LRP1B: variants seen among roughly 807,000 people sequenced by gnomAD.
LRP1B encodes the protein LDL receptor related protein 1B.
Under a neutral mutation model 556.6 loss-of-function variants are expected in LRP1B, and 217 were observed. That is an observed-to-expected ratio of 0.39 (90% CI 0.35 to 0.44). LRP1B has a LOEUF of 0.44. Ranked by LOEUF, LRP1B falls within the 20% of genes least tolerant of loss-of-function variation. LRP1B has a pLI of 1.00. For synonymous variants in LRP1B, 2,047 were observed against 1,865.8 expected (o/e 1.10, Z -2.50); for missense variants, 5,053 against 5,620.8 (o/e 0.90, Z 3.23).
intron 3 of LRP1B, among the ~76,000 whole-genome samples, chr2:141,307,124 G>T (rs868724025): frequency 9.9e-5 from 15 of 151,928 alleles, no homozygotes; most frequent in Non-Finnish European, 1.6e-4. Flanking sequence ...GGTCCATTTG[G>T]TCTAATGTGC....
intron 3 of LRP1B, among the ~76,000 whole-genome samples, chr2:141,395,064 C>T (rs1559047189): frequency 1.3e-5 from 2 of 152,052 alleles, no homozygotes; most frequent in South Asian, 4.1e-4. Context: ...TATAACAAAG[C>T]TGAAAATGTC....
chr2:140,669,342 G>T (rs1383065902), intron 41 of LRP1B, among the ~76,000 whole-genome samples: 1 of 151,984 alleles, frequency 6.6e-6, no homozygotes, highest in East Asian at 1.9e-4. Context: ...TCTTTATTGG[G>T]TCTACAGATC....
intron 3 of LRP1B, among the ~76,000 whole-genome samples, chr2:141,396,488 C>A (rs1192422944): frequency 1.3e-5 from 2 of 152,022 alleles, no homozygotes; most frequent in African/African-American, 4.8e-5. Flanking sequence ...CTTTTAGTGG[C>A]TATAGATAAA....
chr2:141,181,033 T>C (rs965604351), intron 7 of LRP1B, among the ~76,000 whole-genome samples: 1 of 151,978 alleles, frequency 6.6e-6, no homozygotes, highest in African/African-American at 2.4e-5. Context: ...AACTTCATGC[T>C]CATGTCTCTC....
intron 35 of LRP1B, among the ~76,000 whole-genome samples, chr2:140,758,210 A>G (rs1254612709): frequency 2.6e-5 from 4 of 152,114 alleles, no homozygotes; most frequent in Non-Finnish European, 5.9e-5. Flanking sequence ...TAATCCACAT[A>G]ATATAATGTA....
intron 3 of LRP1B, among the ~76,000 whole-genome samples, chr2:141,274,589 C>T (rs62172913): frequency 0.24 from 36,294 of 151,896 alleles, 5,103 homozygotes; most frequent in East Asian, 0.51. Context: ...GGATGCATGG[C>T]TATTTTTGGC....
At chr2:140,668,472 C>T (rs1391989654) in intron 41 of LRP1B, among the ~76,000 whole-genome samples, 1 of 151,148 alleles carries the variant, frequency 6.6e-6, no homozygotes, top group Non-Finnish European at 1.5e-5. Flanking sequence ...TTACTGTAGG[C>T]ATGTTTTTGT....
intron 3 of LRP1B, among the ~76,000 whole-genome samples, chr2:141,350,017 A>T (rs1223261540): frequency 3.3e-5 from 5 of 152,052 alleles, no homozygotes; most frequent in African/African-American, 1.2e-4. Context: ...ACCACATCTC[A>T]CATGGTGGCA....
chr2:140,635,621 A>C (rs923971424), intron 41 of LRP1B, among the ~76,000 whole-genome samples: 1 of 151,968 alleles, frequency 6.6e-6, no homozygotes, highest in Non-Finnish European at 1.5e-5. Flanking sequence ...GGAATGGTAC[A>C]TTGGTTCATC....
At chr2:141,013,343 CAT>C (rs1293474182) in intron 14 of LRP1B, among the ~76,000 whole-genome samples, 1 of 151,926 alleles carries the variant, frequency 6.6e-6, no homozygotes, top group East Asian at 1.9e-4. Flanking sequence ...AAACCTCACT[CAT>C]ATGGAATTCC....
chr2:141,907,151 C>G (rs560575506), intron 1 of LRP1B, among the ~76,000 whole-genome samples: 11 of 152,006 alleles, frequency 7.2e-5, no homozygotes, highest in African/African-American at 2.7e-4. Context: ...TGTATCTGCT[C>G]TACTTATAGC....
chr2:141,339,550 C>T (rs1416124486), intron 3 of LRP1B, among the ~76,000 whole-genome samples: 1 of 152,136 alleles, frequency 6.6e-6, no homozygotes, highest in Non-Finnish European at 1.5e-5. Context: ...TAGTACTTCT[C>T]TCAAAAAGCT....
At chr2:141,805,527 T>G (rs1035270225) in intron 2 of LRP1B, 1 of 152,158 alleles carries the variant, frequency 6.6e-6, no homozygotes, top group Non-Finnish European at 1.5e-5. Context: ...CAAAACTCTG[T>G]GCTTCGTGCA....
Position 141,055,216 on chromosome 2 carries a change from C to A in LRP1B, c.1452G>T (p.Gly484=), listed in dbSNP as rs775767827. The change falls in exon 10 of 91, where the codon GGG becomes GGT. Residue 484 remains glycine (G), a synonymous_variant. Coordinates refer to ENST00000389484, the MANE Select transcript of LRP1B (RefSeq NM_018557.3). ...TGAGTAGACAGATGTGTGAACAGCC[C>A]CCTGGCATTCCATATGGATCGACTT... ...ACEVDPYGMP[G]GCSHICLLSS... is the part of the protein sequence containing the mutation. 1.2e-6 allele frequency: 2 copies of A among 1,611,564 alleles called. No homozygotes were observed. The highest frequency in any genetic ancestry group is 2.2e-5 in the South Asian group (2 of 90,910).
At chr2:140,643,404 C>G (rs115153392) in intron 41 of LRP1B, among the ~76,000 whole-genome samples, 4 of 151,436 alleles carry the variant, frequency 2.6e-5, no homozygotes, top group African/African-American at 9.7e-5. Flanking sequence ...GGAAAGACAT[C>G]GAAAAAAATC....
intron 59 of LRP1B, among the ~76,000 whole-genome samples, chr2:140,475,872 G>A (rs898694420): frequency 2.6e-5 from 4 of 151,736 alleles, no homozygotes; most frequent in Non-Finnish European, 4.4e-5. Flanking sequence ...TTGGTCACAC[G>A]AGTCACATTT....
At chr2:141,810,160 A>G (rs200936433) in intron 2 of LRP1B, 119 bp downstream of exon 2, 46 of 443,506 alleles carry the variant, frequency 1.0e-4, no homozygotes, top group Non-Finnish European at 1.2e-4. Flanking sequence ...AAAGAAAGAA[A>G]GAAAGAAGGA....
At chr2:141,118,124 A>T (rs1180645019) in intron 7 of LRP1B, among the ~76,000 whole-genome samples, 1 of 151,752 alleles carries the variant, frequency 6.6e-6, no homozygotes, top group Non-Finnish European at 1.5e-5. Flanking sequence ...AGGATGGAAT[A>T]TTTTAATGCA....
rs113154312 is a variant in LRP1B at position 140,982,197 on chromosome 2, G to A, written c.2850C>T (p.Asp950=). The A allele has an allele frequency of 5.8e-4, 933 of 1,613,198 alleles. 1 individual carries two copies. In the African/African-American group the frequency reaches 9.8e-3, roughly 17 times the overall value. ...IPRAWLCDRE[D]DCGDQTDEMA... ...TTTCATCTGTCTGGTCACCACAGTCGTCTTCCCTGTCACACAGCCATGCTC... is the reference window on the plus strand; with the variant it reads ...TTTCATCTGTCTGGTCACCACAGTCATCTTCCCTGTCACACAGCCATGCTC... The change falls in exon 18 of 91, where the codon GAC becomes GAT. Residue 950 remains aspartate (D), a synonymous_variant. Transcript: ENST00000389484.
Sources: allele counts gnomAD v4.1 joint callset (sites outside exome capture counted in the v4.1 genomes callset), GRCh38; gene constraint gnomAD v4.1.1; transcripts MANE v1.5; gene names NCBI Gene and HGNC (gene_info 2026-07-23, HGNC 2026-07-21).